Variants in SYT16 observed in about 807,000 individuals in gnomAD.
SYT16 encodes the protein synaptotagmin 16, also known as synaptotagmin-16.
In SYT16, 42 loss-of-function variants were observed where a neutral mutation model predicts 61.4. The ratio of observed to expected loss-of-function variants is 0.68; its 90% CI spans 0.53 to 0.89. The LOEUF (loss-of-function observed/expected upper bound fraction) is 0.89, where lower values mean the gene tolerates loss of function less well. Ranked by LOEUF, SYT16 falls within the 40% of genes least tolerant of loss-of-function variation. The probability of loss-of-function intolerance (pLI) is 0.00; values close to 1 mark genes in which losing one functional copy is unlikely to be tolerated. For missense variants in SYT16, 804 were observed against 807.3 expected (o/e 1.00, Z 0.05); for synonymous variants, 314 against 302.3 (o/e 1.04, Z -0.40).
chr14:61,846,469 T>C (rs1045360908), intron 1 of SYT16, among the ~76,000 whole-genome samples: 16 of 152,190 alleles, frequency 1.1e-4, no homozygotes, highest in African/African-American at 3.9e-4. Flanking sequence ...CTGATATAAG[T>C]ATAGTGATTC....
intron 1 of SYT16, among the ~76,000 whole-genome samples, chr14:61,929,697 A>G (rs2049686117): frequency 6.6e-6 from 1 of 152,234 alleles, no homozygotes; most frequent in Non-Finnish European, 1.5e-5. Context: ...GAGTTTGGGT[A>G]ATCAAATTGG....
chr14:61,939,809 G>A (rs549513893), intron 1 of SYT16, among the ~76,000 whole-genome samples: 32 of 152,252 alleles, frequency 2.1e-4, no homozygotes, highest in Middle Eastern at 3.4e-3. Flanking sequence ...CAGAGGCCAA[G>A]CACCTCCCCT....
At chr14:61,840,977 C>T (rs17099265) in intron 1 of SYT16, among the ~76,000 whole-genome samples, 2,151 of 152,268 alleles carry the variant, frequency 0.014, 53 homozygotes, top group African/African-American at 0.049. Flanking sequence ...ATCAACGGAA[C>T]AGTCACCCAA....
At chr14:62,083,168 C>G (rs1264339980) in intron 6 of SYT16, among the ~76,000 whole-genome samples, 1 of 152,104 alleles carries the variant, frequency 6.6e-6, no homozygotes, top group African/African-American at 2.4e-5. Context: ...GGGCGCTCTG[C>G]AGAAATGTCT....
intron 3 of SYT16, among the ~76,000 whole-genome samples, chr14:62,007,349 A>G (rs752203607): frequency 1.3e-5 from 2 of 152,144 alleles, no homozygotes; most frequent in Admixed American, 6.5e-5. Context: ...CCTTCATTTG[A>G]TAGTATTTGC....
intron 2 of SYT16, among the ~76,000 whole-genome samples, chr14:61,985,578 C>A (rs999831227): frequency 1.3e-5 from 2 of 152,096 alleles, no homozygotes; most frequent in Non-Finnish European, 2.9e-5. Context: ...CAGCAGTCTG[C>A]GCTCTTCATA....
intron 1 of SYT16, among the ~76,000 whole-genome samples, chr14:61,849,996 T>G (rs937463349): frequency 6.6e-6 from 1 of 152,200 alleles, no homozygotes; most frequent in African/African-American, 2.4e-5. Context: ...CTAATTTACA[T>G]TCCCACCAAC....
intron 1 of SYT16, among the ~76,000 whole-genome samples, chr14:61,909,185 A>G (rs2048834585): frequency 6.6e-6 from 1 of 152,154 alleles, no homozygotes; most frequent in Non-Finnish European, 1.5e-5. Context: ...GGGGATTTTC[A>G]AGGTGCTTTG....
Position 62,101,145 on chromosome 14 carries a change from T to A in SYT16, c.*438T>A, listed in dbSNP as rs1440534060. ...GGTACAAAAAACTCCAAAATATAGA[T>A]ATGAATCAGATGCTGAGCCTCATAA... On this transcript the variant is annotated 3_prime_UTR_variant, in exon 8 of 8. Coordinates refer to ENST00000683842, the MANE Select transcript of SYT16 (RefSeq NM_001367656.1). The A allele has an allele frequency of 6.4e-6, 1 of 155,082 alleles. No homozygotes were observed. The highest frequency in any genetic ancestry group is 1.4e-5 in the Non-Finnish European group (1 of 69,754). 9.6% of individuals were successfully genotyped at this position (155,082 alleles called of 1,614,324 possible).
At chr14:62,052,898 T>A (rs1005343209) in intron 3 of SYT16, among the ~76,000 whole-genome samples, 7 of 152,234 alleles carry the variant, frequency 4.6e-5, no homozygotes, top group African/African-American at 1.7e-4. Context: ...AAATGTCTGC[T>A]GTTTATAAAT....
At chr14:62,065,952 T>A (rs1166486448) in intron 3 of SYT16, among the ~76,000 whole-genome samples, 1 of 152,238 alleles carries the variant, frequency 6.6e-6, no homozygotes, top group East Asian at 1.9e-4. Flanking sequence ...ACTTAGGTTT[T>A]CAAGCCCTAC....
Position 62,081,205 on chromosome 14 carries a change from T to G in SYT16, c.1365T>G (p.Tyr455Ter). The change falls in exon 6 of 8, where the codon TAT becomes TAG. Residue 455 changes from tyrosine (Y) to a stop codon, truncating the protein, a stop_gained. Coordinates refer to ENST00000683842, the MANE Select transcript of SYT16 (RefSeq NM_001367656.1). LOFTEE classifies it high-confidence loss of function. ...GAATGATGGGAGAGAAACTATTCTA[T>G]CTCAGCCACCTGCACCCAGAAGGGG... ...RERMMGEKLF[Y>*]LSHLHPEGEM... is the part of the protein sequence containing the mutation. 6.2e-7 allele frequency: 1 copy of G among 1,613,922 alleles called. No homozygotes were observed. The highest frequency in any genetic ancestry group is 8.5e-7 in the Non-Finnish European group (1 of 1,179,878).
chr14:62,059,196 A>G (rs2055704621), intron 3 of SYT16, among the ~76,000 whole-genome samples: 1 of 152,134 alleles, frequency 6.6e-6, no homozygotes, highest in Non-Finnish European at 1.5e-5. Context: ...TATGTAACAA[A>G]CCTGCACACG....
intron 1 of SYT16, among the ~76,000 whole-genome samples, chr14:61,949,724 A>G (rs1043138354): frequency 1.3e-5 from 2 of 152,200 alleles, no homozygotes; most frequent in East Asian, 1.9e-4. Context: ...AAGTCATCCT[A>G]TATCATTCAC....
At position 62,068,364 on chromosome 14, in the gene SYT16, AAAAAACAAAAC is replaced by A. The variant is rs571040455; in HGVS notation, c.524-1234_524-1224del. On this transcript the variant is annotated intron_variant, in intron 3 of 7. Coordinates refer to ENST00000683842, the MANE Select transcript of SYT16 (RefSeq NM_001367656.1). The stretch of plus-strand genomic sequence containing the variant: ...TCATTTCACTTAGATGTGGAATCTA[AAAAAACAAAAC>A]AAAACAAAACAAAACAAAACAAAAC... Among the ~76,000 whole-genome samples the A allele has an allele frequency of 3.8e-3, 335 of 87,802 alleles. 1 individual carries two copies. Among genetic ancestry groups the A allele is most frequent in the Non-Finnish European group, 5.1e-3 (242 of 47,520 alleles). The allele number at this position is 87,802 out of a possible 152,430, so 57.6% of individuals were successfully genotyped here.
chr14:61,922,541 A>C (rs1252746204), intron 1 of SYT16, among the ~76,000 whole-genome samples: 1 of 152,164 alleles, frequency 6.6e-6, no homozygotes, highest in Non-Finnish European at 1.5e-5. Context: ...GAGGGTAGAG[A>C]GTAGGAGGAG....
intron 4 of SYT16, among the ~76,000 whole-genome samples, chr14:62,071,980 G>A (rs2140947503): frequency 6.6e-6 from 1 of 152,222 alleles, no homozygotes; most frequent in East Asian, 1.9e-4. Context: ...TTTGTCCTGT[G>A]TATCTGATTT....
chr14:61,988,829 A>G (rs2052427581), intron 2 of SYT16, among the ~76,000 whole-genome samples: 1 of 152,192 alleles, frequency 6.6e-6, no homozygotes, highest in Non-Finnish European at 1.5e-5. Context: ...GTCACTTACT[A>G]GGAAAATCAC....
intron 1 of SYT16, among the ~76,000 whole-genome samples, chr14:61,836,590 C>T (rs1194502941): frequency 6.6e-6 from 1 of 152,152 alleles, no homozygotes; most frequent in East Asian, 1.9e-4. Context: ...TTGCTTTTTT[C>T]TCTAGAGTGA....
Sources: allele counts gnomAD v4.1 joint callset (sites outside exome capture counted in the v4.1 genomes callset), GRCh38; gene constraint gnomAD v4.1.1; transcripts MANE v1.5; gene names NCBI Gene and HGNC (gene_info 2026-07-23, HGNC 2026-07-21).